IL18RAP: variants seen among roughly 807,000 people sequenced by gnomAD.
IL18RAP encodes interleukin-18 receptor accessory protein.
A neutral mutation model predicts 58.1 loss-of-function variants in IL18RAP; 37 were observed. The observed-to-expected ratio is 0.64, with a 90% CI of 0.49 to 0.84. The LOEUF is 0.84. Among genes scored for constraint, IL18RAP ranks in the 40% least tolerant of loss-of-function variants. The pLI is 0.00. For missense variants in IL18RAP, 667 were observed against 704.8 expected (o/e 0.95, Z 0.61); for synonymous variants, 268 against 257.5 (o/e 1.04, Z -0.39).
chr2:102,446,424 C>T (rs1374086706), intron 7 of IL18RAP, among the ~76,000 whole-genome samples: 1 of 152,080 alleles, frequency 6.6e-6, no homozygotes, highest in Non-Finnish European at 1.5e-5. Flanking sequence ...ACACTACACC[C>T]GTTGTGTCGT....
intron 3 of IL18RAP, among the ~76,000 whole-genome samples, chr2:102,433,658 G>A (rs1311054318): frequency 1.3e-5 from 2 of 152,118 alleles, no homozygotes; most frequent in African/African-American, 2.4e-5. Flanking sequence ...CTATTCTCAT[G>A]CCTCAGCCTC....
chr2:102,432,045 A>G (rs557463299), intron 3 of IL18RAP, among the ~76,000 whole-genome samples: 1 of 152,066 alleles, frequency 6.6e-6, no homozygotes, highest in South Asian at 2.1e-4. Flanking sequence ...GGAAACAGCC[A>G]CCTCTTTTGG....
upstream of IL18RAP, among the ~76,000 whole-genome samples, chr2:102,419,258 G>A (rs575525804): frequency 6.6e-6 from 1 of 152,326 alleles, no homozygotes; most frequent in South Asian, 2.1e-4. Flanking sequence ...TAACATCTTT[G>A]ATGGCAGGTA....
intron 4 of IL18RAP, chr2:102,438,719 A>T (rs1682910236): frequency 6.6e-6 from 1 of 152,156 alleles, no homozygotes; most frequent in South Asian, 2.1e-4. Context: ...ATTCATTCTC[A>T]TATTTATTCA....
At position 102,424,395 on chromosome 2, in the gene IL18RAP, C is replaced by T. The variant is rs969563592; in HGVS notation, c.560C>T (p.Pro187Leu). The T allele has an allele frequency of 3.1e-6, 5 of 1,613,772 alleles. No individual in the cohort carries two copies. In the African/African-American group the frequency reaches 5.3e-5, roughly 17 times the overall value. The change falls in exon 3 of 10, where the codon CCA (proline) becomes CTA (leucine). Residue 187 changes from proline to leucine, a missense_variant. Physicochemically the swap from Pro to Leu is moderately conservative, Grantham distance 98. Coordinates refer to ENST00000687160, the MANE Select transcript of IL18RAP (RefSeq NM_001393487.1). ...SLSCQSDAQS[P>L]AVTWYKNGKL... Reference sequence around the variant, plus strand: ...AGCTGCCAAAGTGATGCACAAAGTCCAGCGGTAACCTGGTACAAGGTAAGA... The same window carrying T: ...AGCTGCCAAAGTGATGCACAAAGTCTAGCGGTAACCTGGTACAAGGTAAGA...
chr2:102,435,888 G>A (rs944638907), intron 3 of IL18RAP, among the ~76,000 whole-genome samples: 8 of 148,334 alleles, frequency 5.4e-5, no homozygotes, highest in Admixed American at 2.0e-4. Context: ...GAAGACTTAC[G>A]GACATTATTC....
intron 3 of IL18RAP, 34 bp from the exon 4 acceptor site, chr2:102,437,178 C>G: frequency 5.1e-6 from 8 of 1,573,224 alleles, no homozygotes; most frequent in South Asian, 2.4e-5. Flanking sequence ...TTTTCTGTGG[C>G]AAATTTATCT....
upstream of IL18RAP, among the ~76,000 whole-genome samples, chr2:102,420,085 G>A (rs1232903399): frequency 6.6e-6 from 1 of 152,190 alleles, no homozygotes. Flanking sequence ...CCTTCAAAAG[G>A]TAGATATTAA....
chr2:102,419,117 G>C (rs1209150420), upstream of IL18RAP, among the ~76,000 whole-genome samples: 1 of 152,058 alleles, frequency 6.6e-6, no homozygotes, highest in African/African-American at 2.4e-5. Flanking sequence ...TATATACGGA[G>C]TCTTCACTTA....
At chr2:102,435,697 C>T (rs763566821) in intron 3 of IL18RAP, among the ~76,000 whole-genome samples, 8 of 152,086 alleles carry the variant, frequency 5.3e-5, no homozygotes, top group Non-Finnish European at 8.8e-5. Context: ...ACACAGTGTG[C>T]GTGATGCTCA....
intron 1 of IL18RAP, 38 bp downstream of exon 1, chr2:102,423,385 T>C (rs747823723): frequency 6.6e-7 from 1 of 1,525,658 alleles, no homozygotes; most frequent in Non-Finnish European, 9.1e-7. Context: ...ACTGTGAGTC[T>C]GTGGTCAAGT....
rs760334912 is a variant in IL18RAP at position 102,424,293 on chromosome 2, C to A, written c.458C>A (p.Ala153Glu). Reference protein sequence around the residue: ...MILEVKPQTNASCEYSASHKQ... With the variant: ...MILEVKPQTNESCEYSASHKQ... ...TTAGAAGTTAAGCCCCAGACAAATG[C>A]ATCCTGTGAGTATTCCGCATCACAT... Residue 153 changes from alanine to glutamate, a missense_variant, in exon 3 of 10, where the codon GCA becomes GAA. Physicochemically the swap from Ala to Glu is moderately radical, Grantham distance 107. Transcript: ENST00000687160. 1 of 1,614,036 alleles carries A rather than the reference C, an allele frequency of 6.2e-7. No individual in the cohort carries two copies. Among genetic ancestry groups the A allele is most frequent in the Admixed American group, 1.7e-5 (1 of 60,004 alleles).
rs753530809 is a variant in IL18RAP at position 102,441,326 on chromosome 2, C to G, written c.745C>G (p.Leu249Val). Residue 249 changes from leucine to valine, a missense_variant, in exon 5 of 10, where the codon CTC (leucine) becomes GTC (valine). Physicochemically the swap from Leu to Val is conservative, Grantham distance 32 (BLOSUM62 1). Transcript: ENST00000687160. ...QVRTIVGDTKLKPDILDPVED... is the reference protein window; with the variant it reads ...QVRTIVGDTKVKPDILDPVED... ...TCATCTTTCAGTGGGAGACACTAAA[C>G]TCAAACCAGATATTCTGGATCCTGT... 6.2e-7 allele frequency: 1 copy of G among 1,613,108 alleles called. No individual in the cohort carries two copies. The highest frequency in any genetic ancestry group is 8.5e-7 in the Non-Finnish European group (1 of 1,179,324).
chr2:102,444,391 G>A (rs3771150), intron 6 of IL18RAP, among the ~76,000 whole-genome samples: 33,603 of 152,020 alleles, frequency 0.22, 4,417 homozygotes, highest in East Asian at 0.4. Flanking sequence ...TAGCCCCGGT[G>A]AGCCTCCATC....
intron 3 of IL18RAP, among the ~76,000 whole-genome samples, chr2:102,432,941 A>G (rs1262032743): frequency 6.6e-6 from 1 of 152,256 alleles, no homozygotes; most frequent in Non-Finnish European, 1.5e-5. Flanking sequence ...AATAAATAAT[A>G]GTTACATGTA....
intron 6 of IL18RAP, among the ~76,000 whole-genome samples, chr2:102,444,281 A>G (rs1342061489): frequency 6.6e-6 from 1 of 152,236 alleles, no homozygotes; most frequent in East Asian, 1.9e-4. Context: ...CTGATATTGC[A>G]TTAGAGTTCA....
chr2:102,452,204 A>G lies in IL18RAP; in HGVS notation c.*23A>G. ...TGAAATGAGCCCTGGAGCCCCCTCC[A>G]GTCCAGTCCCTGGGATAGAGATGTT... On this transcript the variant is annotated 3_prime_UTR_variant, in exon 10 of 10. Coordinates refer to ENST00000687160, the MANE Select transcript of IL18RAP (RefSeq NM_001393487.1). The G allele has an allele frequency of 6.4e-7, 1 of 1,565,174 alleles. No individual in the cohort carries two copies. The highest frequency in any genetic ancestry group is 8.6e-7 in the Non-Finnish European group (1 of 1,157,866).
intron 3 of IL18RAP, among the ~76,000 whole-genome samples, chr2:102,429,276 G>C (rs917394577): frequency 6.6e-6 from 1 of 151,710 alleles, no homozygotes; most frequent in Non-Finnish European, 1.5e-5. Context: ...TAGATTTTCT[G>C]TTTCTTTATG....
chr2:102,429,066 A>T (rs908767616), intron 3 of IL18RAP, among the ~76,000 whole-genome samples: 10 of 151,922 alleles, frequency 6.6e-5, no homozygotes, highest in Non-Finnish European at 1.2e-4. Flanking sequence ...GACCATGGTG[A>T]ATGATTCTTT....
Sources: gnomAD v4.1 joint callset for allele counts (sites outside exome capture counted in the v4.1 genomes callset) on GRCh38, gnomAD v4.1.1 for gene constraint, MANE v1.5 for transcripts, NCBI Gene and HGNC (gene_info 2026-07-23, HGNC 2026-07-21) for gene names.